The following CACNA2D3 variants were observed in gnomAD, a reference collection of about 807,000 sequenced individuals.
CACNA2D3 encodes the protein voltage-dependent calcium channel subunit alpha-2/delta-3.
A neutral mutation model predicts 160.6 loss-of-function variants in CACNA2D3; 60 were observed. The observed-to-expected ratio is 0.37, with a 90% CI of 0.30 to 0.46. The LOEUF is 0.46. Among genes scored for constraint, CACNA2D3 ranks in the 20% least tolerant of loss-of-function variants. CACNA2D3 has a pLI of 1.00. For synonymous variants in CACNA2D3, 558 were observed against 492.9 expected, an observed-to-expected ratio of 1.13 and a Z score of -1.75; for missense variants, 1,205 against 1,365.0, an observed-to-expected ratio of 0.88 and a Z score of 1.85.
intron 32 of CACNA2D3, among the ~76,000 whole-genome samples, chr3:55,007,037 G>T (rs557497106): frequency 6.6e-6 from 1 of 152,144 alleles, no homozygotes; most frequent in Non-Finnish European, 1.5e-5. Flanking sequence ...CACATAACTG[G>T]CATAGCTAGG....
chr3:54,896,935 G>C, intron 26 of CACNA2D3, 65 bp downstream of exon 26: 1 of 1,603,012 alleles, frequency 6.2e-7, no homozygotes, highest in Non-Finnish European at 8.5e-7. Context: ...ATTGTGTGCA[G>C]GGTGTTGGGG....
At chr3:54,898,363 C>A (rs939961518) in intron 26 of CACNA2D3, among the ~76,000 whole-genome samples, 3 of 151,690 alleles carry the variant, frequency 2.0e-5, no homozygotes, top group Admixed American at 2.0e-4. Context: ...GCTGGGATTA[C>A]AGGCACCCGC....
At chr3:54,387,866 A>T (rs934274577) in intron 4 of CACNA2D3, among the ~76,000 whole-genome samples, 1 of 152,164 alleles carries the variant, frequency 6.6e-6, no homozygotes, top group Non-Finnish European at 1.5e-5. Flanking sequence ...TGACTTTCCT[A>T]TATTCCCATT....
intron 17 of CACNA2D3, among the ~76,000 whole-genome samples, chr3:54,853,431 C>A (rs746883862): frequency 1.3e-5 from 2 of 152,174 alleles, no homozygotes; most frequent in Non-Finnish European, 2.9e-5. Flanking sequence ...CGTTCATTCA[C>A]CAAACATTTG....
rs192308998 is a variant in CACNA2D3 at position 54,163,905 on chromosome 3, A to C, written c.204+40311A>C. Among the ~76,000 whole-genome samples the C allele has an allele frequency of 2.0e-3, 298 of 152,306 alleles. 1 individual carries two copies. The highest frequency in any genetic ancestry group is 6.5e-3 in the African/African-American group (270 of 41,566). Reference sequence around the variant, plus strand: ...CAGACCACATGGTCTTGCTGGGGACAAGACCTAGGGAACAGCTCATTTTGG... The same window carrying C: ...CAGACCACATGGTCTTGCTGGGGACCAGACCTAGGGAACAGCTCATTTTGG... On this transcript the variant is annotated intron_variant, in intron 2 of 37. Transcript: ENST00000474759.
chr3:54,400,803 T>A (rs1016565043), intron 4 of CACNA2D3, among the ~76,000 whole-genome samples: 1 of 152,110 alleles, frequency 6.6e-6, no homozygotes, highest in Non-Finnish European at 1.5e-5. Flanking sequence ...TTTCACCAGA[T>A]GTGCAGACAT....
At chr3:54,664,697 G>T (rs748336984) in intron 11 of CACNA2D3, among the ~76,000 whole-genome samples, 2 of 152,124 alleles carry the variant, frequency 1.3e-5, no homozygotes, top group Admixed American at 6.5e-5. Flanking sequence ...AGGCCATTTC[G>T]TGGGCCTAAG....
chr3:55,074,376 T>TGACA lies in CACNA2D3; in HGVS notation c.*171_*174dup. The TGACA allele has an allele frequency of 1.7e-6, 1 of 590,088 alleles. No individual in the cohort carries two copies. Among genetic ancestry groups the TGACA allele is most frequent in the Non-Finnish European group, 3.0e-6 (1 of 332,000 alleles). The allele number at this position is 590,088 out of a possible 1,614,324, so 36.6% of individuals were successfully genotyped here. ...GTGATATAAACTCTTAAAGATATGTTGACAAAAAGTTATCTATCATCTTTT... is the reference window on the plus strand; with the variant it reads ...GTGATATAAACTCTTAAAGATATGTTGACAGACAAAAAGTTATCTATCATCTTTT... On this transcript the variant is annotated 3_prime_UTR_variant, in exon 38 of 38. Transcript: ENST00000474759.
At chr3:55,071,321 T>G (rs1704799767) in intron 35 of CACNA2D3, among the ~76,000 whole-genome samples, 1 of 152,190 alleles carries the variant, frequency 6.6e-6, no homozygotes, top group African/African-American at 2.4e-5. Flanking sequence ...TCTAACAACC[T>G]CACAGTTATT....
chr3:54,651,823 T>A (rs1699770292), intron 11 of CACNA2D3, among the ~76,000 whole-genome samples: 1 of 152,166 alleles, frequency 6.6e-6, no homozygotes, highest in Non-Finnish European at 1.5e-5. Context: ...AATCCCCTCT[T>A]CTCCTGATAG....
intron 27 of CACNA2D3, chr3:54,918,809 G>A: frequency 6.2e-7 from 1 of 1,613,364 alleles, no homozygotes; most frequent in Non-Finnish European, 8.5e-7. Context: ...GGGCAGGGCT[G>A]GTACAGCTCA....
chr3:54,908,071 C>G (rs1254215774), intron 27 of CACNA2D3, among the ~76,000 whole-genome samples: 1 of 152,140 alleles, frequency 6.6e-6, no homozygotes, highest in East Asian at 1.9e-4. Flanking sequence ...TGGGTACATA[C>G]CTAAAAGTAG....
At chr3:54,303,692 C>T (rs1275780827) in intron 2 of CACNA2D3, among the ~76,000 whole-genome samples, 6 of 151,992 alleles carry the variant, frequency 3.9e-5, no homozygotes, top group Admixed American at 6.5e-5. Flanking sequence ...GGCTATGATG[C>T]GTGAAAACAC....
In CACNA2D3 at chr3:54,562,704, C is replaced by T. The variant is rs878906357; in HGVS notation, c.545-96C>T. 7.5e-5 allele frequency: 79 copies of T among 1,058,174 alleles called. 3 individuals carry two copies. In the South Asian group the frequency reaches 1.1e-3, roughly 15 times the overall value. 65.5% of individuals were successfully genotyped at this position (1,058,174 alleles called of 1,614,324 possible). A position where few individuals can be genotyped will look rare whatever the true frequency, so the allele number is the denominator to read the frequency against. Reference sequence around the variant, plus strand: ...TCATAGCCTCCTGCAAGATGGAGTACCTTGTGCCAGTATCTGCCAAGCAGC... The same window carrying T: ...TCATAGCCTCCTGCAAGATGGAGTATCTTGTGCCAGTATCTGCCAAGCAGC... On this transcript the variant is annotated intron_variant, in intron 5 of 37. Coordinates refer to ENST00000474759, the MANE Select transcript of CACNA2D3 (RefSeq NM_018398.3).
At chr3:54,490,037 C>T (rs1349480747) in intron 4 of CACNA2D3, among the ~76,000 whole-genome samples, 4 of 152,086 alleles carry the variant, frequency 2.6e-5, no homozygotes, top group East Asian at 3.9e-4. Flanking sequence ...ACACATGCAC[C>T]GGGAGCTGGG....
chr3:54,661,929 C>T (rs546059908), intron 11 of CACNA2D3, among the ~76,000 whole-genome samples: 16 of 150,656 alleles, frequency 1.1e-4, no homozygotes, highest in African/African-American at 3.7e-4. Context: ...AAATATCCCC[C>T]CTGGATCACC....
intron 5 of CACNA2D3, among the ~76,000 whole-genome samples, chr3:54,527,710 C>T (rs1329816783): frequency 6.6e-6 from 1 of 152,134 alleles, no homozygotes; most frequent in Non-Finnish European, 1.5e-5. Flanking sequence ...TGCTGATGAC[C>T]TGCCCCTCCT....
intron 27 of CACNA2D3, among the ~76,000 whole-genome samples, chr3:54,909,396 C>A (rs1270173346): frequency 6.6e-6 from 1 of 151,724 alleles, no homozygotes; most frequent in East Asian, 1.9e-4. Flanking sequence ...CTCCTAGTGA[C>A]CTTGTTGGGA....
At chr3:54,841,601 A>G (rs901016530) in intron 16 of CACNA2D3, among the ~76,000 whole-genome samples, 5 of 152,242 alleles carry the variant, frequency 3.3e-5, no homozygotes, top group South Asian at 4.1e-4. Context: ...CCTGATTAAC[A>G]CCTTGTAAAG....
Sources: allele counts gnomAD v4.1 joint callset (sites outside exome capture counted in the v4.1 genomes callset), GRCh38; gene constraint gnomAD v4.1.1; transcripts MANE v1.5; gene names NCBI Gene and HGNC (gene_info 2026-07-23, HGNC 2026-07-21).